The following ABHD2 variants were observed in gnomAD, a reference collection of about 807,000 sequenced individuals.
The protein encoded by ABHD2 is monoacylglycerol lipase ABHD2.
Under a neutral mutation model 48.1 loss-of-function variants are expected in ABHD2, and 20 were observed. That is an observed-to-expected ratio of 0.42 (90% confidence interval 0.29 to 0.60). The LOEUF (loss-of-function observed/expected upper bound fraction) is 0.60. Ranked by LOEUF, ABHD2 falls within the 20% of genes least tolerant of loss-of-function variation. The probability of loss-of-function intolerance (pLI) is 0.24; values close to 1 mark genes in which losing one functional copy is unlikely to be tolerated. For missense variants in ABHD2, 405 were observed against 550.9 expected (o/e 0.74, Z 2.65); for synonymous variants, 209 against 214.2 (o/e 0.98, Z 0.21).
chr15:89,169,286 A>C (rs1173108787), intron 5 of ABHD2, among the ~76,000 whole-genome samples: 2 of 152,174 alleles, frequency 1.3e-5, no homozygotes, highest in Non-Finnish European at 2.9e-5. Context: ...ATGAGTAGAC[A>C]TGGCCCTACT....
At chr15:89,058,851 C>G in the ABHD2 span, among the ~76,000 whole-genome samples, 8,177 of 151,464 alleles carry the variant, frequency 0.054, 579 homozygotes, top group African/African-American at 0.16. Context: ...TGGACAGAAG[C>G]CTGCAGTAAT....
Position 89,179,622 on chromosome 15 carries a change from G to C in ABHD2, c.722+3627G>C, listed in dbSNP as rs1419092339. Among the ~76,000 whole-genome samples, 1 of 152,110 alleles carries C rather than the reference G, an allele frequency of 6.6e-6. No individual in the cohort carries two copies. Among genetic ancestry groups the C allele is most frequent in the Non-Finnish European group, 1.5e-5 (1 of 68,004 alleles). ...TCTGTATGATAATGTAATAATAATA[G>C]GGAAAAAGTACATTATAAATGTAAT... is the stretch of plus-strand genomic sequence containing the variant. On this transcript the variant is annotated intron_variant, in intron 6 of 10. Transcript: ENST00000352732. This position sits in a 1 kb window ranked among gnomAD's most constrained non-coding sequence, Gnocchi z 4.3.
In ABHD2 at chr15:89,195,034, C is replaced by T. The variant is rs8025822; in HGVS notation, c.1082-193C>T. Among the ~76,000 whole-genome samples, 136,287 of 152,266 alleles carry T rather than the reference C, an allele frequency of 0.9. 61,184 individuals are homozygous for T. The highest frequency in any genetic ancestry group is 1 in the East Asian group (5,158 of 5,170). On this transcript the variant is annotated intron_variant, in intron 10 of 10. Coordinates refer to ENST00000352732, the MANE Select transcript of ABHD2 (RefSeq NM_152924.5). This position sits in a 1 kb window ranked among gnomAD's most constrained non-coding sequence, Gnocchi z 5.1. Reference sequence around the variant, plus strand: ...CATTCAGCTCCAAAGCCAAGCTGTACTCTAAAACCTGCTAGATGCCACTGT... The same window carrying T: ...CATTCAGCTCCAAAGCCAAGCTGTATTCTAAAACCTGCTAGATGCCACTGT...
the ABHD2 span, among the ~76,000 whole-genome samples, chr15:89,042,878 G>A: frequency 6.6e-6 from 1 of 151,846 alleles, no homozygotes; most frequent in African/African-American, 2.4e-5. Flanking sequence ...GTGTTGGCCA[G>A]GCTGGCCTCA....
intron 3 of ABHD2, among the ~76,000 whole-genome samples, chr15:89,131,478 G>A (rs867309660): frequency 6.6e-6 from 1 of 152,132 alleles, no homozygotes; most frequent in African/African-American, 2.4e-5. Context: ...GAGGTGAAGG[G>A]GCAGGATGGG....
rs1211389875 is a variant in ABHD2 at position 89,175,017 on chromosome 15, C to T, written c.539-795C>T. Among the ~76,000 whole-genome samples, 2 of 152,168 alleles carry T rather than the reference C, an allele frequency of 1.3e-5. No homozygotes were observed. The highest frequency in any genetic ancestry group is 2.9e-5 in the Non-Finnish European group (2 of 68,026). ...CCTATGTCACCAAGAACGTTTTACC[C>T]TAATCCTACAGAGCATCCTGGCAGT... On this transcript the variant is annotated intron_variant, in intron 5 of 10. Coordinates refer to ENST00000352732, the MANE Select transcript of ABHD2 (RefSeq NM_152924.5). This position sits in a 1 kb window ranked among gnomAD's most constrained non-coding sequence, Gnocchi z 5.7.
Position 89,100,485 on chromosome 15 carries a change from T to C in ABHD2, c.-107+11922T>C, listed in dbSNP as rs1299363579. Among the ~76,000 whole-genome samples, 1 of 152,176 alleles carries C rather than the reference T, an allele frequency of 6.6e-6. No homozygotes were observed. Among genetic ancestry groups the C allele is most frequent in the Non-Finnish European group, 1.5e-5 (1 of 68,024 alleles). The stretch of plus-strand genomic sequence containing the variant: ...GTCCAGATCCTGCAAGTAGCCTCTC[T>C]ACCCCACCACCAATGTACATCTACA... On this transcript the variant is annotated intron_variant, in intron 1 of 10. Coordinates refer to ENST00000352732, the MANE Select transcript of ABHD2 (RefSeq NM_152924.5). The surrounding 1 kb of genome is among the most constrained non-coding windows in gnomAD (Gnocchi z 4.4).
intron 6 of ABHD2, among the ~76,000 whole-genome samples, chr15:89,183,096 C>A (rs1311404141): frequency 6.6e-6 from 1 of 152,072 alleles, no homozygotes; most frequent in Non-Finnish European, 1.5e-5. Context: ...TTAAACATAA[C>A]CACAAATACC....
Position 89,198,666 on chromosome 15 carries a change from C to G in ABHD2, c.*3243C>G, listed in dbSNP as rs2051438302. The G allele has an allele frequency of 6.6e-6, 1 of 152,240 alleles. No homozygotes were observed. The highest frequency in any genetic ancestry group is 2.4e-5 in the African/African-American group (1 of 41,452). The allele number at this position is 152,240 out of a possible 1,614,324, so 9.4% of individuals were successfully genotyped here. The stretch of plus-strand genomic sequence containing the variant: ...GGCAAATCACCTCACCTCTCTGAGC[C>G]TGTTCCCTCCTCTTAGACCATCTCT... On this transcript the variant is annotated 3_prime_UTR_variant, in exon 11 of 11. Coordinates refer to ENST00000352732, the MANE Select transcript of ABHD2 (RefSeq NM_152924.5). This position sits in a 1 kb window ranked among gnomAD's most constrained non-coding sequence, Gnocchi z 5.1.
At chr15:89,048,484 G>C in the ABHD2 span, among the ~76,000 whole-genome samples, 1 of 152,052 alleles carries the variant, frequency 6.6e-6, no homozygotes, top group Non-Finnish European at 1.5e-5. Context: ...ATAATATCCT[G>C]CAGAGTGTTT....
Position 89,114,407 on chromosome 15 carries a change from A to G in ABHD2, c.-7+583A>G, listed in dbSNP as rs1163143933. On this transcript the variant is annotated intron_variant, in intron 2 of 10. Coordinates refer to ENST00000352732, the MANE Select transcript of ABHD2 (RefSeq NM_152924.5). The surrounding 1 kb of genome is among the most constrained non-coding windows in gnomAD (Gnocchi z 4.2). ...TTAAGGATCCTTGTTTTAGGGGTTTATAGACAGCTTTCAGGGGATATGACC... is the reference window on the plus strand; with the variant it reads ...TTAAGGATCCTTGTTTTAGGGGTTTGTAGACAGCTTTCAGGGGATATGACC... Among the ~76,000 whole-genome samples, 1 of 152,218 alleles carries G rather than the reference A, an allele frequency of 6.6e-6. No homozygotes were observed. The highest frequency in any genetic ancestry group is 1.5e-5 in the Non-Finnish European group (1 of 68,032).
At chr15:89,118,191 CT>C (rs1555427303) in intron 3 of ABHD2, among the ~76,000 whole-genome samples, 13 of 148,896 alleles carry the variant, frequency 8.7e-5, no homozygotes, top group South Asian at 4.3e-4. Context: ...TTTTTTCTTT[CT>C]TTTTTTTTTG....
intron 3 of ABHD2, among the ~76,000 whole-genome samples, chr15:89,133,846 T>TG (rs1555428922): frequency 6.7e-6 from 1 of 148,372 alleles, no homozygotes; most frequent in African/African-American, 2.5e-5. Context: ...TTTTTTTTTT[T>TG]TTTTTTTTGA....
chr15:89,054,310 AGACT>A, the ABHD2 span, among the ~76,000 whole-genome samples: 14 of 140,856 alleles, frequency 9.9e-5, no homozygotes, highest in African/African-American at 3.8e-4. Context: ...TGACAGGGCA[AGACT>A]CTGTCTCAAA....
chr15:89,145,681 C>A (rs1053044868), intron 3 of ABHD2, among the ~76,000 whole-genome samples: 1 of 152,232 alleles, frequency 6.6e-6, no homozygotes, highest in African/African-American at 2.4e-5. Flanking sequence ...TCTCCCACTG[C>A]ATGCAGGTAA....
At chr15:89,152,176 C>T (rs934093143) in intron 4 of ABHD2, among the ~76,000 whole-genome samples, 1 of 151,756 alleles carries the variant, frequency 6.6e-6, no homozygotes, top group Non-Finnish European at 1.5e-5. Context: ...CCCAGGTTCA[C>T]TCCATTCGCC....
intron 3 of ABHD2, among the ~76,000 whole-genome samples, chr15:89,133,834 ATT>A (rs71464448): frequency 0.22 from 27,618 of 123,214 alleles, 2,530 homozygotes; most frequent in Non-Finnish European, 0.31. Context: ...GCCATGCATA[ATT>A]TTTTTTTTTT....
At chr15:89,162,638 A>C (rs938686432) in intron 5 of ABHD2, among the ~76,000 whole-genome samples, 1 of 152,132 alleles carries the variant, frequency 6.6e-6, no homozygotes, top group Non-Finnish European at 1.5e-5. Flanking sequence ...GTCTCAACCA[A>C]GATGTCACCC....
Position 89,116,585 on chromosome 15 carries a change from A to G in ABHD2, c.194+64A>G. The G allele has an allele frequency of 6.6e-7, 1 of 1,525,970 alleles. No individual in the cohort carries two copies. Among genetic ancestry groups the G allele is most frequent in the South Asian group, 1.2e-5 (1 of 80,472 alleles). 94.5% of individuals were successfully genotyped at this position (1,525,970 alleles called of 1,614,324 possible). Reference sequence around the variant, plus strand: ...ATGTATTTGGCTTTGTGTGATGTTCAAAGAAGAAACTTCTCTCATCGTGTC... The same window carrying G: ...ATGTATTTGGCTTTGTGTGATGTTCGAAGAAGAAACTTCTCTCATCGTGTC... On this transcript the variant is annotated intron_variant, in intron 3 of 10. Coordinates refer to ENST00000352732, the MANE Select transcript of ABHD2 (RefSeq NM_152924.5). This position sits in a 1 kb window ranked among gnomAD's most constrained non-coding sequence, Gnocchi z 4.6.
Sources: gnomAD v4.1 joint callset for allele counts (sites outside exome capture counted in the v4.1 genomes callset) on GRCh38, gnomAD v4.1.1 for gene constraint, Gnocchi (gnomAD v3.1) non-coding constraint, MANE v1.5 for transcripts, NCBI Gene and HGNC (gene_info 2026-07-23, HGNC 2026-07-21) for gene names.